Variants in RPH3A observed in about 807,000 individuals in gnomAD.
RPH3A encodes the protein rabphilin-3A.
In RPH3A, 48 loss-of-function variants were observed where a neutral mutation model predicts 102.2. That is an observed-to-expected ratio of 0.47 (90% CI 0.37 to 0.60). The LOEUF (loss-of-function observed/expected upper bound fraction) is 0.60, where lower values mean the gene tolerates loss of function less well. Ranked by LOEUF, RPH3A falls within the 20% of genes least tolerant of loss-of-function variation. The probability of loss-of-function intolerance (pLI) is 0.00; values close to 1 mark genes in which losing one functional copy is unlikely to be tolerated. For synonymous variants in RPH3A, 310 were observed against 324.3 expected, an observed-to-expected ratio of 0.96 and a Z score of 0.47; for missense variants, 781 against 910.1, an observed-to-expected ratio of 0.86 and a Z score of 1.83.
chr12:112,864,753 G>C (rs932058119), intron 5 of RPH3A, among the ~76,000 whole-genome samples: 2 of 152,164 alleles, frequency 1.3e-5, no homozygotes, highest in African/African-American at 4.8e-5. Flanking sequence ...TTTCAAAGGG[G>C]AGTCTTCCTG....
chr12:112,811,152 C>T (rs1295023883), intron 2 of RPH3A, among the ~76,000 whole-genome samples: 3 of 152,140 alleles, frequency 2.0e-5, no homozygotes, highest in Non-Finnish European at 2.9e-5. Flanking sequence ...TTCAACTGAT[C>T]GAATAGCCTT....
intron 1 of RPH3A, among the ~76,000 whole-genome samples, chr12:112,761,726 G>C (rs909208814): frequency 6.6e-6 from 1 of 152,240 alleles, no homozygotes; most frequent in African/African-American, 2.4e-5. Flanking sequence ...GGACAAAAGT[G>C]CTGTTTGCCA....
At chr12:112,577,725 TAG>T (rs2039369780) in intron 1 of RPH3A, among the ~76,000 whole-genome samples, 1 of 150,776 alleles carries the variant, frequency 6.6e-6, no homozygotes. Context: ...TTTTTTTTTG[TAG>T]AGATGGGGCC....
In RPH3A at chr12:112,655,871, T is replaced by G. The variant is rs146725906; in HGVS notation, c.-140+80552T>G. Among the ~76,000 whole-genome samples, 173 of 152,180 alleles carry G rather than the reference T, an allele frequency of 1.1e-3. 1 individual carries two copies. The highest frequency in any genetic ancestry group is 2.1e-3 in the Non-Finnish European group (145 of 67,998). ...TACAGGCATGAGCTACCACGCCCAGTCCCATTTTTGTTAGTCTTGTTACCT... is the reference window on the plus strand; with the variant it reads ...TACAGGCATGAGCTACCACGCCCAGGCCCATTTTTGTTAGTCTTGTTACCT... On this transcript the variant is annotated intron_variant, in intron 1 of 21. Coordinates refer to the RPH3A transcript ENST00000543106.
intron 1 of RPH3A, among the ~76,000 whole-genome samples, chr12:112,578,248 C>T (rs534202102): frequency 1.3e-5 from 2 of 152,072 alleles, no homozygotes; most frequent in East Asian, 3.9e-4. Flanking sequence ...GCAGCATGAC[C>T]CCAGCAATAG....
chr12:112,670,994 A>T lies in RPH3A; in HGVS notation c.-140+95675A>T, dbSNP rs751000628. Among the ~76,000 whole-genome samples the T allele has an allele frequency of 8.1e-4, 124 of 152,256 alleles. No homozygotes were observed. The Middle Eastern group carries it at 0.024, about 29-fold the overall frequency. On this transcript the variant is annotated intron_variant, in intron 1 of 21. Transcript: ENST00000543106. ...CTAGGACCATGAATGCAATTAATCAACCACAGGGGGGAGATGCCCAAGTTT... is the reference window on the plus strand; with the variant it reads ...CTAGGACCATGAATGCAATTAATCATCCACAGGGGGGAGATGCCCAAGTTT...
At chr12:112,881,388 T>A (rs1012036853) in intron 14 of RPH3A, among the ~76,000 whole-genome samples, 3 of 152,168 alleles carry the variant, frequency 2.0e-5, no homozygotes, top group African/African-American at 7.2e-5. Context: ...TGTCCTCCCA[T>A]CCTAGCAATA....
chr12:112,596,519 T>C (rs7970357), intron 1 of RPH3A, among the ~76,000 whole-genome samples: 2,518 of 152,322 alleles, frequency 0.017, 72 homozygotes, highest in African/African-American at 0.057. Flanking sequence ...AATGCCTTCA[T>C]TGTAAATCGG....
intron 1 of RPH3A, among the ~76,000 whole-genome samples, chr12:112,772,596 G>T (rs2040934404): frequency 6.6e-6 from 1 of 152,138 alleles, no homozygotes; most frequent in Non-Finnish European, 1.5e-5. Context: ...TATATCACAT[G>T]TCAAGTACTT....
intron 1 of RPH3A, among the ~76,000 whole-genome samples, chr12:112,716,632 C>G (rs115678299): frequency 2.6e-5 from 4 of 152,144 alleles, no homozygotes; most frequent in Admixed American, 2.6e-4. Flanking sequence ...CACTTTCACC[C>G]GTGTCTCATT....
At chr12:112,619,966 CTA>C (rs540629028) in intron 1 of RPH3A, among the ~76,000 whole-genome samples, 15 of 152,172 alleles carry the variant, frequency 9.9e-5, no homozygotes, top group Non-Finnish European at 1.6e-4. Flanking sequence ...GTTCACATAA[CTA>C]AAATGTCTAG....
chr12:112,811,314 T>C (rs2041571184), intron 2 of RPH3A, among the ~76,000 whole-genome samples: 2 of 152,208 alleles, frequency 1.3e-5, no homozygotes, highest in Admixed American at 6.5e-5. Context: ...GTTGATTCCA[T>C]TAACACTGAA....
rs540947283 is a variant in RPH3A at position 112,720,551 on chromosome 12, A to T, written c.-139-71592A>T. Among the ~76,000 whole-genome samples, 3 of 152,232 alleles carry T rather than the reference A, an allele frequency of 2.0e-5. No homozygotes were observed. In the South Asian group the frequency reaches 6.2e-4, roughly 31 times the overall value. ...TGTCAGTTAGCTATTGCTGTGTAAC[A>T]AACCACCTCTAAATCTCAGTGACGT... is the stretch of plus-strand genomic sequence containing the variant. On this transcript the variant is annotated intron_variant, in intron 1 of 21. Transcript: ENST00000543106.
In RPH3A at chr12:112,865,468, G is replaced by T. The variant is rs766071902; in HGVS notation, c.285G>T (p.Val95=). The change falls in exon 6 of 22, where the codon GTG becomes GTT. Residue 95 remains valine, a synonymous_variant. Transcript: ENST00000389385. ...GGAAGAACGTGGCTGGAGATGGGGT[G>T]AACCGCTGCATACTGTGTGGAGAAC... ...NMRKNVAGDG[V]NRCILCGEQL... 2 of 1,614,058 alleles carry T rather than the reference G, an allele frequency of 1.2e-6. No individual in the cohort carries two copies. Among genetic ancestry groups the T allele is most frequent in the South Asian group, 1.1e-5 (1 of 91,066 alleles).
At chr12:112,751,068 TC>T (rs1320845710) in intron 1 of RPH3A, among the ~76,000 whole-genome samples, 1 of 152,214 alleles carries the variant, frequency 6.6e-6, no homozygotes, top group African/African-American at 2.4e-5. Flanking sequence ...AATCAAGTCA[TC>T]CTTGACACTT....
At chr12:112,640,798 T>C (rs2039884010) in intron 1 of RPH3A, among the ~76,000 whole-genome samples, 1 of 152,170 alleles carries the variant, frequency 6.6e-6, no homozygotes, top group Non-Finnish European at 1.5e-5. Context: ...CAAGTGAGAA[T>C]CCTTTAGTCT....
chr12:112,895,576 G>A, intron 20 of RPH3A: 1 of 503,464 alleles, frequency 2.0e-6, no homozygotes, highest in Non-Finnish European at 3.6e-6. Flanking sequence ...GAGGATGACA[G>A]TGCTTTGTTA....
intron 1 of RPH3A, among the ~76,000 whole-genome samples, chr12:112,589,678 A>G (rs2039462899): frequency 6.6e-6 from 1 of 152,192 alleles, no homozygotes; most frequent in Admixed American, 6.5e-5. Context: ...CCATTTGTTC[A>G]TTCGTCTCTT....
intron 18 of RPH3A, among the ~76,000 whole-genome samples, chr12:112,890,316 CTTG>C (rs2043071891): frequency 6.6e-6 from 1 of 152,196 alleles, no homozygotes; most frequent in Admixed American, 6.5e-5. Context: ...GGTTTTTGGC[CTTG>C]TTGTCAGAAG....
Sources: gnomAD v4.1 joint callset for allele counts (sites outside exome capture counted in the v4.1 genomes callset) on GRCh38, gnomAD v4.1.1 for gene constraint, MANE v1.5 for transcripts, NCBI Gene and HGNC (gene_info 2026-07-23, HGNC 2026-07-21) for gene names.